Variants in SLC44A5 observed in about 807,000 individuals in gnomAD.
SLC44A5 encodes the protein solute carrier family 44 member 5, also known as choline transporter-like protein 5.
Under a neutral mutation model 101.8 loss-of-function variants are expected in SLC44A5, and 57 were observed. That is an observed-to-expected ratio of 0.56 (90% CI 0.45 to 0.70). The LOEUF (loss-of-function observed/expected upper bound fraction) is 0.70, where lower values mean the gene tolerates loss of function less well. Among genes scored for constraint, SLC44A5 ranks in the 30% least tolerant of loss-of-function variants. SLC44A5 has a pLI of 0.00. For synonymous variants in SLC44A5, 281 were observed against 290.9 expected (o/e 0.97, Z 0.35); for missense variants, 737 against 853.1 (o/e 0.86, Z 1.70).
chr1:75,299,696 C>T (rs1446521749), intron 5 of SLC44A5, among the ~76,000 whole-genome samples: 1 of 151,882 alleles, frequency 6.6e-6, no homozygotes, highest in Non-Finnish European at 1.5e-5. Flanking sequence ...TCACACTAGT[C>T]CCTTTGGTAG....
At chr1:75,203,911 G>T in intron 23 of SLC44A5, 78 bp from the exon 24 acceptor site, 7 of 1,379,516 alleles carry the variant, frequency 5.1e-6, no homozygotes, top group South Asian at 4.8e-5. Flanking sequence ...CTGTATACTC[G>T]CTTTACAGCA....
At position 75,611,094 on chromosome 1, in the gene SLC44A5, A is replaced by G; in HGVS notation, c.-124T>C. Reference sequence around the variant, plus strand: ...CATCAACACTGAACCTTCTAACTCTAACATGCTACGATTCACTACTGTGAA... The same window carrying G: ...CATCAACACTGAACCTTCTAACTCTGACATGCTACGATTCACTACTGTGAA... On this transcript the variant is annotated 5_prime_UTR_variant, in exon 1 of 24. Coordinates refer to ENST00000370859, the MANE Select transcript of SLC44A5 (RefSeq NM_001130058.2). 6.1e-6 allele frequency: 6 copies of G among 985,350 alleles called. No individual in the cohort carries two copies. Among genetic ancestry groups the G allele is most frequent in the Non-Finnish European group, 7.2e-6 (6 of 829,900 alleles). 61.0% of individuals were successfully genotyped at this position (985,350 alleles called of 1,614,324 possible). A position where few individuals can be genotyped will look rare whatever the true frequency, so the allele number is the denominator to read the frequency against.
chr1:75,337,543 T>G (rs1446953416), intron 4 of SLC44A5, among the ~76,000 whole-genome samples: 1 of 152,238 alleles, frequency 6.6e-6, no homozygotes, highest in Admixed American at 6.5e-5. Flanking sequence ...TTTTCACTAA[T>G]CAATCATTTT....
At chr1:75,324,221 T>C (rs560492618) in intron 4 of SLC44A5, among the ~76,000 whole-genome samples, 2 of 152,338 alleles carry the variant, frequency 1.3e-5, no homozygotes, top group South Asian at 4.1e-4. Context: ...ATGAGAACTG[T>C]ATTTCTGAAA....
At chr1:75,668,315 CTTTTTTTTT>C in the SLC44A5 span, among the ~76,000 whole-genome samples, 34 of 65,102 alleles carry the variant, frequency 5.2e-4, 1 homozygote, top group African/African-American at 1.6e-3. Context: ...TCCTAGGAGC[CTTTTTTTTT>C]TTTTTTTTTT....
chr1:75,562,579 T>G lies in SLC44A5; in HGVS notation c.-69-21063A>C, dbSNP rs748799653. Among the ~76,000 whole-genome samples, 93 of 152,108 alleles carry G rather than the reference T, an allele frequency of 6.1e-4. 1 individual carries two copies. The highest frequency in any genetic ancestry group is 1.2e-3 in the South Asian group (6 of 4,806). On this transcript the variant is annotated intron_variant, in intron 1 of 23. Coordinates refer to ENST00000370859, the MANE Select transcript of SLC44A5 (RefSeq NM_001130058.2). ...CGAGTATGGTGACCTGCACCTGTACTCCTAGCTACTCGGGGGGAGGATTGC... is the reference window on the plus strand; with the variant it reads ...CGAGTATGGTGACCTGCACCTGTACGCCTAGCTACTCGGGGGGAGGATTGC...
At chr1:75,368,117 A>C (rs552252242) in intron 3 of SLC44A5, among the ~76,000 whole-genome samples, 1 of 152,364 alleles carries the variant, frequency 6.6e-6, no homozygotes, top group East Asian at 1.9e-4. Flanking sequence ...TTAGAAGAGA[A>C]TATCAATATT....
At chr1:75,531,576 A>G (rs1017769034) in intron 2 of SLC44A5, among the ~76,000 whole-genome samples, 3 of 152,138 alleles carry the variant, frequency 2.0e-5, no homozygotes, top group Admixed American at 2.0e-4. Flanking sequence ...GTGGGCTCTG[A>G]GAGTTGGGGT....
Position 75,401,426 on chromosome 1 carries a change from T to C in SLC44A5, c.14-4805A>G, listed in dbSNP as rs370076207. Among the ~76,000 whole-genome samples the C allele has an allele frequency of 2.6e-4, 40 of 152,212 alleles. No homozygotes were observed. In the South Asian group the frequency reaches 8.1e-3, roughly 31 times the overall value. Reference sequence around the variant, plus strand: ...TGCAAATGTGACATGATAGATGCTGTGAAGAATAAATACAAGGTGTGAAGA... The same window carrying C: ...TGCAAATGTGACATGATAGATGCTGCGAAGAATAAATACAAGGTGTGAAGA... On this transcript the variant is annotated intron_variant, in intron 2 of 23. Coordinates refer to ENST00000370859, the MANE Select transcript of SLC44A5 (RefSeq NM_001130058.2).
chr1:75,694,158 T>G, the SLC44A5 span, among the ~76,000 whole-genome samples: 1 of 151,638 alleles, frequency 6.6e-6, no homozygotes, highest in East Asian at 2.0e-4. Flanking sequence ...ATTACTAAAG[T>G]AATACCTTTG....
At chr1:75,698,751 T>C in the SLC44A5 span, among the ~76,000 whole-genome samples, 1 of 152,028 alleles carries the variant, frequency 6.6e-6, no homozygotes, top group Non-Finnish European at 1.5e-5. Flanking sequence ...GTTGAAAACT[T>C]TGAAAAAAAT....
the SLC44A5 span, among the ~76,000 whole-genome samples, chr1:75,653,489 AAG>A: frequency 6.6e-6 from 1 of 152,290 alleles, no homozygotes; most frequent in East Asian, 1.9e-4. Flanking sequence ...AAAAAAGAAA[AAG>A]AAAATAATGA....
chr1:75,664,021 A>G, the SLC44A5 span, among the ~76,000 whole-genome samples: 6 of 152,206 alleles, frequency 3.9e-5, no homozygotes, highest in Non-Finnish European at 1.5e-5. Context: ...ATCAATACAC[A>G]TGATTCACCA....
At chr1:75,287,402 G>A (rs1402636655) in intron 5 of SLC44A5, among the ~76,000 whole-genome samples, 6 of 118,274 alleles carry the variant, frequency 5.1e-5, no homozygotes, top group African/African-American at 1.9e-4. Context: ...TTCTTGAGAA[G>A]CTTAATAATT....
intron 4 of SLC44A5, among the ~76,000 whole-genome samples, chr1:75,332,627 C>T (rs1657136029): frequency 6.6e-6 from 1 of 152,064 alleles, no homozygotes; most frequent in African/African-American, 2.4e-5. Context: ...GGTAAGTTCA[C>T]TATCATGAAA....
At chr1:75,375,627 C>A (rs1231332156) in intron 3 of SLC44A5, among the ~76,000 whole-genome samples, 1 of 151,918 alleles carries the variant, frequency 6.6e-6, no homozygotes, top group Non-Finnish European at 1.5e-5. Flanking sequence ...CAAAGGGAAC[C>A]CCATCAGGTG....
chr1:75,276,991 A>G (rs1170159315), intron 5 of SLC44A5, among the ~76,000 whole-genome samples: 1 of 152,196 alleles, frequency 6.6e-6, no homozygotes, highest in East Asian at 1.9e-4. Flanking sequence ...TATCCGCAGC[A>G]TCTGCTATTG....
chr1:75,356,516 A>G (rs1360223620), intron 3 of SLC44A5, among the ~76,000 whole-genome samples: 1 of 152,052 alleles, frequency 6.6e-6, no homozygotes, highest in Non-Finnish European at 1.5e-5. Flanking sequence ...TATTATTACA[A>G]GACTCAAAAA....
At chr1:75,406,730 C>T (rs530367603) in intron 2 of SLC44A5, among the ~76,000 whole-genome samples, 100 of 152,052 alleles carry the variant, frequency 6.6e-4, no homozygotes, top group Middle Eastern at 3.4e-3. Flanking sequence ...GAGCTATTTA[C>T]GACAAACCCA....
Sources: gnomAD v4.1 joint callset for allele counts (sites outside exome capture counted in the v4.1 genomes callset) on GRCh38, gnomAD v4.1.1 for gene constraint, MANE v1.5 for transcripts, NCBI Gene and HGNC (gene_info 2026-07-23, HGNC 2026-07-21) for gene names.